PARVB: variants seen among roughly 807,000 people sequenced by gnomAD.
PARVB encodes the protein parvin beta, also known as beta-parvin.
A neutral mutation model predicts 47.0 loss-of-function variants in PARVB; 46 were observed. The observed-to-expected ratio is 0.98, with a 90% CI of 0.77 to 1.25. The LOEUF (loss-of-function observed/expected upper bound fraction) is 1.25. Ranked by LOEUF, PARVB falls within the 50% of genes most tolerant of loss-of-function variation. The pLI, the probability that PARVB is intolerant of heterozygous loss-of-function variation, is 0.00. For synonymous variants in PARVB, 196 were observed against 196.3 expected, an observed-to-expected ratio of 1.00 and a Z score of 0.01; for missense variants, 473 against 471.6, an observed-to-expected ratio of 1.00 and a Z score of -0.03.
At chr22:44,128,217 G>A (rs560230016) in intron 4 of PARVB, among the ~76,000 whole-genome samples, 2 of 152,324 alleles carry the variant, frequency 1.3e-5, no homozygotes, top group South Asian at 2.1e-4. Context: ...AGAGTGAGGT[G>A]CCCGTGCTGT....
At chr22:44,133,732 T>A (rs1442657291) in intron 6 of PARVB, among the ~76,000 whole-genome samples, 1 of 152,200 alleles carries the variant, frequency 6.6e-6, no homozygotes, top group Non-Finnish European at 1.5e-5. Flanking sequence ...AGACAAGGTC[T>A]CGCTATGTTG....
intron 1 of PARVB, among the ~76,000 whole-genome samples, chr22:44,057,855 C>T (rs550624081): frequency 3.3e-5 from 5 of 152,000 alleles, no homozygotes; most frequent in African/African-American, 4.8e-5. Flanking sequence ...GGAGGTTGGA[C>T]GGCTCAAGCA....
intron 10 of PARVB, among the ~76,000 whole-genome samples, chr22:44,156,486 T>C (rs900743260): frequency 1.1e-4 from 17 of 152,132 alleles, no homozygotes; most frequent in East Asian, 5.8e-4. Context: ...ACCCTGTTGG[T>C]CAGGCTGGTC....
intron 11 of PARVB, 138 bp downstream of exon 11, chr22:44,158,221 T>A: frequency 1.6e-6 from 1 of 615,190 alleles, no homozygotes; most frequent in South Asian, 2.0e-5. Context: ...GATATTGCAA[T>A]TAGATGTAAC....
At chr22:44,081,525 C>T (rs151213680) in intron 1 of PARVB, 19 of 774,038 alleles carry the variant, frequency 2.5e-5, no homozygotes, top group Non-Finnish European at 2.8e-5. Flanking sequence ...GGGACGTTAC[C>T]AGTCACATTA....
At chr22:44,168,557 C>G (rs1175972676) in intron 12 of PARVB, 45 bp from the exon 13 acceptor site, 6 of 1,319,372 alleles carry the variant, frequency 4.5e-6, no homozygotes, top group Non-Finnish European at 6.6e-6. Flanking sequence ...ACCGCAATGA[C>G]AGGAGGATGG....
rs147225622 is a variant in PARVB at position 44,100,072 on chromosome 22, G to A, written c.222G>A (p.Thr74=). 43 of 1,613,920 alleles carry A rather than the reference G, an allele frequency of 2.7e-5. No homozygotes were observed. In the African/African-American group the frequency reaches 3.6e-4, roughly 14 times the overall value. Reference sequence around the variant, plus strand: ...TGGCAGAGGAGAACGAGGAGCGCACGATGATTGACCCCACTTCCAAGGAAG... The same window carrying A: ...TGGCAGAGGAGAACGAGGAGCGCACAATGATTGACCCCACTTCCAAGGAAG... ...DTQLEENEER[T]MIDPTSKEDP... is the part of the protein sequence containing the mutation. Residue 74 remains threonine, a synonymous_variant, in exon 3 of 13, where the codon ACG becomes ACA. Coordinates refer to ENST00000338758, the MANE Select transcript of PARVB (RefSeq NM_013327.5).
chr22:44,127,933 A>T (rs1253600420), intron 4 of PARVB, among the ~76,000 whole-genome samples: 1 of 152,078 alleles, frequency 6.6e-6, no homozygotes. Flanking sequence ...TCACAGATGC[A>T]TACCACCATG....
At chr22:44,008,481 GA>G (rs916841573) in intron 2 of PARVB, among the ~76,000 whole-genome samples, 1 of 151,872 alleles carries the variant, frequency 6.6e-6, no homozygotes, top group African/African-American at 2.4e-5. Context: ...ATGCTTCTGA[GA>G]AAAAAAGATT....
chr22:44,065,135 TC>T (rs1029462922), intron 1 of PARVB, among the ~76,000 whole-genome samples: 12 of 151,984 alleles, frequency 7.9e-5, no homozygotes, highest in Non-Finnish European at 1.5e-4. Flanking sequence ...CTCCCACTGC[TC>T]CCCCAGTGCT....
intron 2 of PARVB, among the ~76,000 whole-genome samples, chr22:44,000,497 C>T (rs1282535908): frequency 6.6e-6 from 1 of 152,184 alleles, no homozygotes; most frequent in Non-Finnish European, 1.5e-5. Flanking sequence ...ATGAAATAGG[C>T]CGGGCGTGGT....
intron 4 of PARVB, among the ~76,000 whole-genome samples, chr22:44,128,390 G>T (rs133916): frequency 0.42 from 63,459 of 152,094 alleles, 13,891 homozygotes; most frequent in African/African-American, 0.46. Context: ...TCTGTGCTAG[G>T]AAGATAGGGG....
At position 44,172,160 on chromosome 22, in the gene PARVB, C is replaced by G. The variant is rs770458160; in HGVS notation, c.*3482C>G. ...CATAGCATGGCCTGGACAGATGCAG[C>G]AAGGGGCCAGTTCCAAGGCAGAATT... On this transcript the variant is annotated 3_prime_UTR_variant, in exon 13 of 13. Coordinates refer to ENST00000338758, the MANE Select transcript of PARVB (RefSeq NM_013327.5). 6.6e-6 allele frequency: 1 copy of G among 152,188 alleles called. No individual in the cohort carries two copies. The highest frequency in any genetic ancestry group is 2.4e-5 in the African/African-American group (1 of 41,416). The allele number at this position is 152,188 out of a possible 1,614,324, so 9.4% of individuals were successfully genotyped here.
intron 1 of PARVB, among the ~76,000 whole-genome samples, chr22:44,062,229 C>T (rs1223233998): frequency 1.3e-5 from 2 of 152,148 alleles, no homozygotes; most frequent in East Asian, 1.9e-4. Context: ...CTGACACCAT[C>T]GACCTGGAGA....
chr22:44,117,277 G>T (rs1266230103), intron 3 of PARVB, among the ~76,000 whole-genome samples: 1 of 152,014 alleles, frequency 6.6e-6, no homozygotes, highest in Non-Finnish European at 1.5e-5. Context: ...GGGCCCTCAG[G>T]CATGCATCAT....
rs150722014 is a variant in PARVB, at chr22:44,161,348, C to T, written c.946-2510C>T. 6.2e-3 allele frequency among the ~76,000 whole-genome samples: 924 copies of T among 148,012 alleles called. 8 individuals carry two copies. The highest frequency in any genetic ancestry group is 0.021 in the African/African-American group (842 of 39,960). ...TTGGAGGCGGGGAAGGAATCTCACT[C>T]TCTCACCCAGGCTGGAGTGCAGTGG... is the stretch of plus-strand genomic sequence containing the variant. On this transcript the variant is annotated intron_variant, in intron 11 of 12. Transcript: ENST00000338758.
intron 1 of PARVB, among the ~76,000 whole-genome samples, chr22:44,051,431 G>T (rs1262126021): frequency 1.3e-5 from 2 of 152,144 alleles, no homozygotes; most frequent in African/African-American, 2.4e-5. Context: ...AAGCCCTTCA[G>T]TCCCAGCTCT....
At chr22:44,154,207 T>A (rs569178133) in intron 10 of PARVB, among the ~76,000 whole-genome samples, 1 of 152,196 alleles carries the variant, frequency 6.6e-6, no homozygotes, top group Non-Finnish European at 1.5e-5. Context: ...TATCTTCATT[T>A]TTTTCCCCCC....
Position 44,101,752 on chromosome 22 carries a change from GA to G in PARVB, c.273+1643del, listed in dbSNP as rs58386939. Among the ~76,000 whole-genome samples, 535 of 124,582 alleles carry G rather than the reference GA, an allele frequency of 4.3e-3. 2 individuals carry two copies. Among genetic ancestry groups the G allele is most frequent in the African/African-American group, 0.01 (373 of 37,054 alleles). The allele number at this position is 124,582 out of a possible 152,430, so 81.7% of individuals were successfully genotyped here. ...ACCAAGAGTAAAACTCCATCTCACAGAAAAAAAAAAAAAAGAAATTCCAAAT... is the reference window on the plus strand; with the variant it reads ...ACCAAGAGTAAAACTCCATCTCACAGAAAAAAAAAAAAAGAAATTCCAAAT... On this transcript the variant is annotated intron_variant, in intron 3 of 12. Coordinates refer to ENST00000338758, the MANE Select transcript of PARVB (RefSeq NM_013327.5).
Sources: allele counts gnomAD v4.1 joint callset (sites outside exome capture counted in the v4.1 genomes callset), GRCh38; gene constraint gnomAD v4.1.1; transcripts MANE v1.5; gene names NCBI Gene and HGNC (gene_info 2026-07-23, HGNC 2026-07-21).